CRAMP1: variants seen among roughly 807,000 people sequenced by gnomAD.
The protein encoded by CRAMP1 is protein cramped-like.
In CRAMP1, 50 loss-of-function variants were observed where a neutral mutation model predicts 115.4. The observed-to-expected ratio is 0.43, with a 90% CI of 0.35 to 0.55. The LOEUF is 0.55. Among genes scored for constraint, CRAMP1 ranks in the 20% least tolerant of loss-of-function variants. CRAMP1 has a pLI of 0.01. For missense variants in CRAMP1, 1,679 were observed against 1,721.7 expected, an observed-to-expected ratio of 0.98 and a Z score of 0.44; for synonymous variants, 866 against 745.4, an observed-to-expected ratio of 1.16 and a Z score of -2.64.
chr16:1,654,253 C>T (rs2036750248), intron 8 of CRAMP1, among the ~76,000 whole-genome samples: 1 of 149,216 alleles, frequency 6.7e-6, no homozygotes, highest in South Asian at 2.1e-4. Flanking sequence ...CTCTGTGGCT[C>T]AGGCTGGAGT....
intron 6 of CRAMP1, chr16:1,647,147 C>T: frequency 1.5e-6 from 1 of 687,704 alleles, no homozygotes; most frequent in East Asian, 2.7e-5. Context: ...TTGCTGTCGC[C>T]TCTACCTCTC....
At position 1,637,887 on chromosome 16, in the gene CRAMP1, T is replaced by A; in HGVS notation, c.758T>A (p.Leu253Gln). The A allele has an allele frequency of 6.4e-7, 1 of 1,557,306 alleles. No individual in the cohort carries two copies. The highest frequency in any genetic ancestry group is 8.7e-7 in the Non-Finnish European group (1 of 1,152,734). Residue 253 changes from leucine (L) to glutamine (Q), a missense_variant, in exon 5 of 21, where the codon CTG (leucine) becomes CAG (glutamine). Leu to Gln is a moderately radical substitution (Grantham distance 113). This residue lies in a region of CRAMP1 where 42 missense variants were observed against 42.3 expected (regional missense o/e 0.99). Transcript: ENST00000397412. ...ELYGLICYGE[L>Q]RKKIGGCMDD... ...TATGGCCTGATCTGCTATGGCGAGC[T>A]GCGCAAGAAGATTGGGGGCTGTGAG...
At position 1,656,997 on chromosome 16, in the gene CRAMP1, G is replaced by A. The variant is rs1439311476; in HGVS notation, c.2235+5G>A. On this transcript the variant is annotated splice_donor_5th_base_variant and intron_variant, in intron 10 of 20. Coordinates refer to ENST00000397412, the MANE Select transcript of CRAMP1 (RefSeq NM_020825.4). The surrounding 1 kb of genome is among the most constrained non-coding windows in gnomAD (Gnocchi z 5.6). Reference sequence around the variant, plus strand: ...ACCGAGGTCAACCCCAAGCTGGTGAGTGGGTTGGAGCCCAGCCCCTCTGGC... The same window carrying A: ...ACCGAGGTCAACCCCAAGCTGGTGAATGGGTTGGAGCCCAGCCCCTCTGGC... 1 of 1,512,344 alleles carries A rather than the reference G, an allele frequency of 6.6e-7. No individual in the cohort carries two copies. Among genetic ancestry groups the A allele is most frequent in the Non-Finnish European group, 8.9e-7 (1 of 1,129,210 alleles). 93.7% of individuals were successfully genotyped at this position (1,512,344 alleles called of 1,614,324 possible).
chr16:1,666,746 T>C lies in CRAMP1; in HGVS notation c.3036+146T>C. 1.4e-6 allele frequency: 1 copy of C among 735,468 alleles called. No individual in the cohort carries two copies. The highest frequency in any genetic ancestry group is 2.2e-6 in the Non-Finnish European group (1 of 448,042). The allele number at this position is 735,468 out of a possible 1,614,324, so 45.6% of individuals were successfully genotyped here. On this transcript the variant is annotated intron_variant, in intron 16 of 20. Transcript: ENST00000397412. The surrounding 1 kb of genome is among the most constrained non-coding windows in gnomAD (Gnocchi z 5.0). The stretch of plus-strand genomic sequence containing the variant: ...GGGGTGCCATGGCATAAGCAAACTC[T>C]GTGTAGTACAGAGCAGGAGAGGCCT...
At chr16:1,668,940 A>G in intron 18 of CRAMP1, 61 bp from the exon 19 acceptor site, 2 of 1,526,516 alleles carry the variant, frequency 1.3e-6, no homozygotes, top group Non-Finnish European at 1.8e-6. Context: ...GGGCTGGAGA[A>G]GTGAGTTGCT....
In CRAMP1 at chr16:1,614,281, A is replaced by C. The variant is rs1313100523; in HGVS notation, c.-1-358A>C. On this transcript the variant is annotated intron_variant, in intron 1 of 20. Coordinates refer to ENST00000397412, the MANE Select transcript of CRAMP1 (RefSeq NM_020825.4). The surrounding 1 kb of genome is among the most constrained non-coding windows in gnomAD (Gnocchi z 4.4). The stretch of plus-strand genomic sequence containing the variant: ...GGCCCGGACCCGCAACCGTGCCCAG[A>C]CCCGCGCCCGCGCCGGGGCTCCCAT... Among the ~76,000 whole-genome samples, 1 of 142,440 alleles carries C rather than the reference A, an allele frequency of 7.0e-6. No individual in the cohort carries two copies. The highest frequency in any genetic ancestry group is 2.6e-5 in the African/African-American group (1 of 39,054). The allele number at this position is 142,440 out of a possible 152,430, so 93.4% of individuals were successfully genotyped here. A position where few individuals can be genotyped will look rare whatever the true frequency, so the allele number is the denominator to read the frequency against.
intron 10 of CRAMP1, among the ~76,000 whole-genome samples, chr16:1,657,989 C>T (rs888742551): frequency 2.6e-5 from 4 of 152,134 alleles, no homozygotes; most frequent in African/African-American, 4.8e-5. Context: ...GGGACTCGGG[C>T]GCTCACGAGC....
chr16:1,644,944 C>G (rs1032679714), intron 6 of CRAMP1, among the ~76,000 whole-genome samples: 3 of 151,948 alleles, frequency 2.0e-5, no homozygotes, highest in Non-Finnish European at 4.4e-5. Context: ...TCAAGTGATC[C>G]TCCCGTCTTG....
At position 1,666,410 on chromosome 16, in the gene CRAMP1, T is replaced by A; in HGVS notation, c.2858-12T>A. ...GTAGAGCAGAGATGTGCAGCGTCCT[T>A]TTTGTTGCCAGGTGCTATCGACTTA... On this transcript the variant is annotated splice_polypyrimidine_tract_variant and intron_variant, in intron 15 of 20. Transcript: ENST00000397412. This position sits in a 1 kb window ranked among gnomAD's most constrained non-coding sequence, Gnocchi z 5.0. 6.2e-7 allele frequency: 1 copy of A among 1,609,588 alleles called. No homozygotes were observed. The highest frequency in any genetic ancestry group is 8.5e-7 in the Non-Finnish European group (1 of 1,177,618).
At chr16:1,612,907 A>G (rs1202317492) in intron 1 of CRAMP1, among the ~76,000 whole-genome samples, 3 of 151,776 alleles carry the variant, frequency 2.0e-5, no homozygotes, top group Non-Finnish European at 4.4e-5. Flanking sequence ...AAAGGAGGCC[A>G]TCCCCCTGCT....
At chr16:1,641,905 G>A (rs1004204158) in intron 6 of CRAMP1, among the ~76,000 whole-genome samples, 47 of 151,902 alleles carry the variant, frequency 3.1e-4, no homozygotes, top group Non-Finnish European at 2.4e-4. Context: ...GGAGCCTGGG[G>A]GGGGGTCCCC....
rs762158734 is a variant in CRAMP1, at chr16:1,656,341, A to G, written c.1584A>G (p.Ala528=). 3.7e-6 allele frequency: 6 copies of G among 1,609,090 alleles called. No homozygotes were observed. Among genetic ancestry groups the G allele is most frequent in the Non-Finnish European group, 5.1e-6 (6 of 1,178,300 alleles). Residue 528 remains alanine, a synonymous_variant, in exon 10 of 21, where the codon GCA becomes GCG. Transcript: ENST00000397412. This position sits in a 1 kb window ranked among gnomAD's most constrained non-coding sequence, Gnocchi z 5.6. The stretch of plus-strand genomic sequence containing the variant: ...GGCCATGTCTTGAGAAGACCCCTGC[A>G]GAAGGCAGGGACAGTCCCACCCGGG... ...DTGPCLEKTP[A]EGRDSPTREP...
Position 1,656,038 on chromosome 16 carries a change from G to A in CRAMP1, c.1281G>A (p.Gln427=), listed in dbSNP as rs1021693712. 4 of 1,612,122 alleles carry A rather than the reference G, an allele frequency of 2.5e-6. No homozygotes were observed. The highest frequency in any genetic ancestry group is 2.5e-6 in the Non-Finnish European group (3 of 1,179,638). ...AGGCCTTCTGCACAGTGCACTGGCAGGAGGGCGGCCGGTGCAAGCAGAGTG... is the reference window on the plus strand; with the variant it reads ...AGGCCTTCTGCACAGTGCACTGGCAAGAGGGCGGCCGGTGCAAGCAGAGTG... The part of the protein sequence containing the change: ...HSKAFCTVHW[Q]EGGRCKQSAK... The change falls in exon 10 of 21, where the codon CAG becomes CAA. Residue 427 remains glutamine (Q), a synonymous_variant. Coordinates refer to ENST00000397412, the MANE Select transcript of CRAMP1 (RefSeq NM_020825.4). The surrounding 1 kb of genome is among the most constrained non-coding windows in gnomAD (Gnocchi z 5.6).
Position 1,672,359 on chromosome 16 carries a change from C to G in CRAMP1, c.3646-1522C>G, listed in dbSNP as rs532867174. Among the ~76,000 whole-genome samples the G allele has an allele frequency of 6.6e-6, 1 of 152,192 alleles. No homozygotes were observed. The highest frequency in any genetic ancestry group is 1.5e-5 in the Non-Finnish European group (1 of 68,032). On this transcript the variant is annotated intron_variant, in intron 20 of 20. Transcript: ENST00000397412. This position sits in a 1 kb window ranked among gnomAD's most constrained non-coding sequence, Gnocchi z 4.9. Reference sequence around the variant, plus strand: ...TTAGCATGAGATTTTCCCGAGAGCCCTCCACTCAGAACGTGAGTATGTTTC... The same window carrying G: ...TTAGCATGAGATTTTCCCGAGAGCCGTCCACTCAGAACGTGAGTATGTTTC...
At chr16:1,647,649 T>C (rs960851543) in intron 6 of CRAMP1, among the ~76,000 whole-genome samples, 10 of 148,672 alleles carry the variant, frequency 6.7e-5, no homozygotes, top group African/African-American at 7.5e-5. Flanking sequence ...GGCTGGGGCA[T>C]GAGAATCGCC....
At chr16:1,615,336 C>T (rs895300489) in intron 2 of CRAMP1, among the ~76,000 whole-genome samples, 13 of 152,244 alleles carry the variant, frequency 8.5e-5, no homozygotes, top group Non-Finnish European at 4.4e-5. Flanking sequence ...AAAAAAATAC[C>T]TGCTGTATCT....
chr16:1,636,864 G>T (rs946198339), intron 4 of CRAMP1, among the ~76,000 whole-genome samples: 1 of 152,220 alleles, frequency 6.6e-6, no homozygotes, highest in African/African-American at 2.4e-5. Flanking sequence ...GGCTCTTGAG[G>T]AAAGAGGGGT....
intron 13 of CRAMP1, among the ~76,000 whole-genome samples, chr16:1,663,456 C>A (rs888737442): frequency 6.6e-6 from 1 of 152,192 alleles, no homozygotes; most frequent in African/African-American, 2.4e-5. Context: ...ATTGCATGAA[C>A]GGTCTTAGGA....
At chr16:1,622,598 GTTT>G (rs2036474161) in intron 2 of CRAMP1, among the ~76,000 whole-genome samples, 1 of 152,096 alleles carries the variant, frequency 6.6e-6, no homozygotes, top group South Asian at 2.1e-4. Flanking sequence ...TTTCTTGTCT[GTTT>G]TTTGGGGTTT....
Sources: gnomAD v4.1 joint callset for allele counts (sites outside exome capture counted in the v4.1 genomes callset) on GRCh38, gnomAD v4.1.1 for gene constraint, gnomAD v4.1.1 regional missense constraint, Gnocchi (gnomAD v3.1) non-coding constraint, MANE v1.5 for transcripts, NCBI Gene and HGNC (gene_info 2026-07-23, HGNC 2026-07-21) for gene names.